The following PRDM9 variants were observed in gnomAD, a reference collection of about 807,000 sequenced individuals.
PRDM9 encodes PR/SET domain 9.
PRDM9 carries 47 observed loss-of-function variants against 55.6 expected under a neutral mutation model. The ratio of observed to expected loss-of-function variants is 0.85; its 90% CI spans 0.67 to 1.08. The LOEUF (loss-of-function observed/expected upper bound fraction) is 1.08. PRDM9 is among the 50% of genes least tolerant of loss of function. The probability of loss-of-function intolerance (pLI) is 0.00; values close to 1 mark genes in which losing one functional copy is unlikely to be tolerated. For synonymous variants in PRDM9, 312 were observed against 375.7 expected, an observed-to-expected ratio of 0.83 and a Z score of 1.96; for missense variants, 867 against 1,040.3, an observed-to-expected ratio of 0.83 and a Z score of 2.29.
chr5:23,517,122 C>T (rs1026087350), intron 4 of PRDM9, among the ~76,000 whole-genome samples: 24 of 142,946 alleles, frequency 1.7e-4, no homozygotes, highest in African/African-American at 6.2e-4. Context: ...CACTGCACTC[C>T]AGCCTGGGCG....
chr5:23,513,330 T>G (rs991798676), intron 4 of PRDM9, among the ~76,000 whole-genome samples: 6 of 151,954 alleles, frequency 3.9e-5, no homozygotes, highest in Admixed American at 3.9e-4. Flanking sequence ...CTTTAAGAGG[T>G]GAATTAGGTA....
chr5:23,511,914 G>T (rs2126410316), intron 4 of PRDM9, among the ~76,000 whole-genome samples: 1 of 151,726 alleles, frequency 6.6e-6, no homozygotes, highest in East Asian at 1.9e-4. Flanking sequence ...AATGGTGATG[G>T]ATGTATAGGT....
At position 23,521,114 on chromosome 5, in the gene PRDM9, C is replaced by T. The variant is rs748007362; in HGVS notation, c.443C>T (p.Ala148Val). ...CTGAATGCAAGTGGCTCAGAGCAGG[C>T]TCAGAAACCAGTGTCCCCTTCTGGA... ...NLLNASGSEQAQKPVSPSGEA... is the reference protein window; with the variant it reads ...NLLNASGSEQVQKPVSPSGEA... The change falls in exon 6 of 11, where the codon GCT becomes GTT. Residue 148 changes from alanine (A) to valine (V), a missense_variant. This residue lies in a region of PRDM9 where 662 missense variants were observed against 711.9 expected (regional missense o/e 0.93). Coordinates refer to ENST00000296682, the MANE Select transcript of PRDM9 (RefSeq NM_020227.4). 6.2e-7 allele frequency: 1 copy of T among 1,614,136 alleles called. No homozygotes were observed. The highest frequency in any genetic ancestry group is 1.1e-5 in the South Asian group (1 of 91,074).
intron 6 of PRDM9, among the ~76,000 whole-genome samples, chr5:23,521,464 A>C (rs370609395): frequency 6.6e-6 from 1 of 152,146 alleles, no homozygotes; most frequent in South Asian, 2.1e-4. Flanking sequence ...CAGTCACCCG[A>C]GTAGCTGGGA....
chr5:23,522,815 T>G lies in PRDM9; in HGVS notation c.812T>G (p.Leu271Arg). Residue 271 changes from leucine to arginine, a missense_variant, in exon 8 of 11, where the codon CTG becomes CGG. This residue lies in a region of PRDM9 where 662 missense variants were observed against 711.9 expected (regional missense o/e 0.93). Coordinates refer to ENST00000296682, the MANE Select transcript of PRDM9 (RefSeq NM_020227.4). ...GAGGCATCTGATCTGCCGCTGGGTC[T>G]GCACTTTGGCCCTTATGAGGGCCGA... Reference protein sequence around the residue: ...WNEASDLPLGLHFGPYEGRIT... With the variant: ...WNEASDLPLGRHFGPYEGRIT... 6.2e-7 allele frequency: 1 copy of G among 1,614,242 alleles called. No homozygotes were observed. Among genetic ancestry groups the G allele is most frequent in the Admixed American group, 1.7e-5 (1 of 60,030 alleles).
At chr5:23,524,745 C>T (rs1365472346) in intron 10 of PRDM9, among the ~76,000 whole-genome samples, 1 of 152,132 alleles carries the variant, frequency 6.6e-6, no homozygotes, top group Non-Finnish European at 1.5e-5. Context: ...ATTCTAAGTA[C>T]TTCATGCACA....
intron 6 of PRDM9, among the ~76,000 whole-genome samples, chr5:23,521,657 G>T (rs1315224638): frequency 6.6e-6 from 1 of 152,102 alleles, no homozygotes; most frequent in Non-Finnish European, 1.5e-5. Flanking sequence ...GTATTGAATA[G>T]CATGTAAGAA....
At position 23,527,807 on chromosome 5, in the gene PRDM9, CAAA is replaced by C. The variant is rs762013300; in HGVS notation, c.*37_*39del. 6.2e-7 allele frequency: 1 copy of C among 1,613,314 alleles called. No individual in the cohort carries two copies. ...TAATAAAACCTCATCTCAATAGCCA[CAAA>C]AAGACAAATGTGGTCACCACACACT... is the stretch of plus-strand genomic sequence containing the variant. On this transcript the variant is annotated 3_prime_UTR_variant, in exon 11 of 11. Transcript: ENST00000296682.
At chr5:23,516,384 A>T (rs989432151) in intron 4 of PRDM9, among the ~76,000 whole-genome samples, 2 of 151,892 alleles carry the variant, frequency 1.3e-5, no homozygotes, top group Non-Finnish European at 2.9e-5. Context: ...TATTATTATT[A>T]TTTTTTTAGA....
intron 4 of PRDM9, among the ~76,000 whole-genome samples, chr5:23,516,010 A>G (rs1176800007): frequency 1.3e-5 from 2 of 152,230 alleles, no homozygotes; most frequent in African/African-American, 2.4e-5. Context: ...TAGAGATTCT[A>G]TATGAATTTT....
chr5:23,511,324 T>C (rs1346398581), intron 4 of PRDM9, among the ~76,000 whole-genome samples: 1 of 130,394 alleles, frequency 7.7e-6, no homozygotes, highest in Non-Finnish European at 1.7e-5. Flanking sequence ...ATATAACGTT[T>C]GTTTGTTTGT....
At chr5:23,519,011 A>G (rs1739274733) in intron 5 of PRDM9, among the ~76,000 whole-genome samples, 1 of 152,118 alleles carries the variant, frequency 6.6e-6, no homozygotes, top group African/African-American at 2.4e-5. Context: ...AACTGTAGAG[A>G]TGTTATCAGG....
intron 4 of PRDM9, among the ~76,000 whole-genome samples, chr5:23,510,241 A>C (rs927874513): frequency 6.6e-6 from 1 of 151,800 alleles, no homozygotes; most frequent in Non-Finnish European, 1.5e-5. Flanking sequence ...AATTTTTTTT[A>C]GTAGAGATGG....
At chr5:23,515,329 C>T (rs1561018184) in intron 4 of PRDM9, among the ~76,000 whole-genome samples, 1 of 152,076 alleles carries the variant, frequency 6.6e-6, no homozygotes, top group Non-Finnish European at 1.5e-5. Flanking sequence ...TGGCTGGTCT[C>T]GAACTCCTAG....
intron 10 of PRDM9, 113 bp downstream of exon 10, chr5:23,524,640 T>G (rs1739397809): frequency 6.8e-7 from 1 of 1,466,306 alleles, no homozygotes; most frequent in Non-Finnish European, 9.4e-7. Context: ...CAGTAAGATT[T>G]CAAATCAGTG....
intron 5 of PRDM9, among the ~76,000 whole-genome samples, chr5:23,518,724 C>T (rs1739268662): frequency 6.6e-6 from 1 of 152,246 alleles, no homozygotes; most frequent in East Asian, 1.9e-4. Context: ...ATTTCAAATT[C>T]TCATTCCTAC....
At chr5:23,517,567 C>T (rs1486580815) in intron 4 of PRDM9, among the ~76,000 whole-genome samples, 1 of 152,120 alleles carries the variant, frequency 6.6e-6, no homozygotes, top group Non-Finnish European at 1.5e-5. Flanking sequence ...AGGTGGATCA[C>T]CTGAGGTCAG....
chr5:23,527,837 G>T lies in PRDM9; in HGVS notation c.*64G>T. 1.9e-6 allele frequency: 3 copies of T among 1,597,602 alleles called. No individual in the cohort carries two copies. The highest frequency in any genetic ancestry group is 1.7e-6 in the Non-Finnish European group (2 of 1,167,848). On this transcript the variant is annotated 3_prime_UTR_variant, in exon 11 of 11. Coordinates refer to ENST00000296682, the MANE Select transcript of PRDM9 (RefSeq NM_020227.4). ...AGACAAATGTGGTCACCACACACTT[G>T]CACACCCCAGCTGTGAGGTGGCTTC...
chr5:23,509,629 G>T, intron 3 of PRDM9, 36 bp downstream of exon 3: 1 of 1,614,060 alleles, frequency 6.2e-7, no homozygotes, highest in South Asian at 1.1e-5. Flanking sequence ...CAGCCTGGGA[G>T]ACATAAAACA....
Sources: gnomAD v4.1 joint callset for allele counts (sites outside exome capture counted in the v4.1 genomes callset) on GRCh38, gnomAD v4.1.1 for gene constraint, gnomAD v4.1.1 regional missense constraint, MANE v1.5 for transcripts, NCBI Gene and HGNC (gene_info 2026-07-23, HGNC 2026-07-21) for gene names.